Variants in BABAM2 observed in about 807,000 individuals in gnomAD.
The protein encoded by BABAM2 is BRISC and BRCA1 A complex member 2.
BABAM2 carries 31 observed loss-of-function variants against 54.7 expected under a neutral mutation model. The ratio of observed to expected loss-of-function variants is 0.57; its 90% CI spans 0.43 to 0.77. BABAM2 has a LOEUF of 0.77. Ranked by LOEUF, BABAM2 falls within the 30% of genes least tolerant of loss-of-function variation. The probability of loss-of-function intolerance (pLI) is 0.00; values close to 1 mark genes in which losing one functional copy is unlikely to be tolerated. For synonymous variants in BABAM2, 167 were observed against 162.9 expected, an observed-to-expected ratio of 1.03 and a Z score of -0.19; for missense variants, 364 against 455.8, an observed-to-expected ratio of 0.80 and a Z score of 1.83.
intron 8 of BABAM2, among the ~76,000 whole-genome samples, chr2:28,241,027 G>C (rs771048132): frequency 6.6e-6 from 1 of 152,030 alleles, no homozygotes; most frequent in Admixed American, 6.6e-5. Flanking sequence ...TACAATAATG[G>C]TATTGTGGTT....
intron 7 of BABAM2, among the ~76,000 whole-genome samples, chr2:28,220,412 G>A (rs1330272531): frequency 1.3e-5 from 2 of 152,146 alleles, no homozygotes; most frequent in Non-Finnish European, 2.9e-5. Flanking sequence ...TGCTATTGAT[G>A]TTCTTCTAAA....
intron 6 of BABAM2, among the ~76,000 whole-genome samples, chr2:28,074,870 T>C (rs1664509543): frequency 6.6e-6 from 1 of 152,182 alleles, no homozygotes; most frequent in East Asian, 1.9e-4. Flanking sequence ...TCCTTGAAAA[T>C]AATAGGCTTT....
intron 11 of BABAM2, among the ~76,000 whole-genome samples, chr2:28,311,486 C>T (rs1689086903): frequency 6.6e-6 from 1 of 152,116 alleles, no homozygotes; most frequent in Non-Finnish European, 1.5e-5. Flanking sequence ...ATAGTAGGAA[C>T]ATATGCTATT....
intron 6 of BABAM2, among the ~76,000 whole-genome samples, chr2:28,062,626 C>A (rs761048174): frequency 6.6e-5 from 10 of 151,086 alleles, no homozygotes; most frequent in Non-Finnish European, 1.5e-4. Flanking sequence ...CATAAAACTT[C>A]TTCTGCATTA....
intron 10 of BABAM2, among the ~76,000 whole-genome samples, chr2:28,264,774 T>C (rs1684837109): frequency 6.6e-6 from 1 of 152,182 alleles, no homozygotes. Flanking sequence ...GCAGACTCAG[T>C]GGACTCCACA....
intron 2 of BABAM2, among the ~76,000 whole-genome samples, chr2:27,929,620 T>C (rs1007977628): frequency 2.6e-5 from 4 of 152,204 alleles, no homozygotes; most frequent in Non-Finnish European, 5.9e-5. Flanking sequence ...CACATGTAAG[T>C]TTTATTGTGA....
chr2:27,905,343 T>C (rs1039580381), intron 2 of BABAM2, among the ~76,000 whole-genome samples: 1 of 152,158 alleles, frequency 6.6e-6, no homozygotes, highest in Non-Finnish European at 1.5e-5. Flanking sequence ...ATGTGGGTTT[T>C]TCAGTCAGTG....
At chr2:28,011,544 T>C (rs1171760666) in intron 4 of BABAM2, among the ~76,000 whole-genome samples, 1 of 152,096 alleles carries the variant, frequency 6.6e-6, no homozygotes, top group African/African-American at 2.4e-5. Flanking sequence ...CTGGCAAATA[T>C]TGCAGGTCTA....
chr2:28,097,484 G>C (rs1666729620), intron 6 of BABAM2, among the ~76,000 whole-genome samples: 1 of 151,982 alleles, frequency 6.6e-6, no homozygotes, highest in Non-Finnish European at 1.5e-5. Context: ...ATTTTTTCCA[G>C]GTTCATCTCT....
intron 7 of BABAM2, among the ~76,000 whole-genome samples, chr2:28,184,485 C>G (rs539333326): frequency 4.6e-5 from 6 of 131,834 alleles, no homozygotes; most frequent in Admixed American, 1.6e-4. Context: ...CCTCTCCCCC[C>G]ACCCCATGAC....
Position 28,111,134 on chromosome 2 carries a change from A to ATTTT in BABAM2, c.571-18125_571-18122dup, listed in dbSNP as rs1334594801. 1.9e-3 allele frequency among the ~76,000 whole-genome samples: 196 copies of ATTTT among 101,884 alleles called. 1 individual carries two copies. Among genetic ancestry groups the ATTTT allele is most frequent in the African/African-American group, 7.0e-3 (146 of 20,880 alleles). The allele number at this position is 101,884 out of a possible 152,430, so 66.8% of individuals were successfully genotyped here. On this transcript the variant is annotated intron_variant, in intron 6 of 11. Coordinates refer to ENST00000379624, the MANE Select transcript of BABAM2 (RefSeq NM_199191.3). Reference sequence around the variant, plus strand: ...CAGGCCTGCACCACCACGCCTGGCTATTTTTTTTTTTTTTTGTATTTTTTT... The same window carrying ATTTT: ...CAGGCCTGCACCACCACGCCTGGCTATTTTTTTTTTTTTTTTTTTGTATTTTTTT...
In BABAM2 at chr2:28,121,499, A is replaced by G. The variant is rs540741982; in HGVS notation, c.571-7772A>G. Among the ~76,000 whole-genome samples the G allele has an allele frequency of 7.9e-5, 12 of 152,316 alleles. No individual in the cohort carries two copies. The South Asian group carries it at 2.5e-3, about 32-fold the overall frequency. ...TAACACATTGTGATGTCTTTATGCC[A>G]GTAGAACCCAAATTCAAATTTTGAT... On this transcript the variant is annotated intron_variant, in intron 6 of 11. Transcript: ENST00000379624.
chr2:27,909,731 G>A (rs529055419), intron 2 of BABAM2, among the ~76,000 whole-genome samples: 4 of 152,276 alleles, frequency 2.6e-5, no homozygotes, highest in African/African-American at 7.2e-5. Context: ...TGTGGCAAAG[G>A]ACACCCATTT....
chr2:28,333,470 C>G (rs558767749), intron 11 of BABAM2, among the ~76,000 whole-genome samples: 8 of 152,216 alleles, frequency 5.3e-5, no homozygotes, highest in Admixed American at 4.6e-4. Flanking sequence ...ACTCCTGATT[C>G]AGTTCCCTCC....
At chr2:28,128,013 C>G (rs1362002092) in intron 6 of BABAM2, among the ~76,000 whole-genome samples, 1 of 151,870 alleles carries the variant, frequency 6.6e-6, no homozygotes, top group Non-Finnish European at 1.5e-5. Flanking sequence ...CGGGTTTCAC[C>G]GTGTTAGCCA....
chr2:28,162,341 A>C (rs186480281), intron 7 of BABAM2, among the ~76,000 whole-genome samples: 1 of 152,098 alleles, frequency 6.6e-6, no homozygotes, highest in African/African-American at 2.4e-5. Flanking sequence ...TAAAGTAGAG[A>C]CTCCAAAGTC....
chr2:28,270,220 C>G (rs548388941), intron 10 of BABAM2, among the ~76,000 whole-genome samples: 1 of 152,176 alleles, frequency 6.6e-6, no homozygotes, highest in East Asian at 1.9e-4. Context: ...CTCCTAGACT[C>G]AAGCCATCCT....
At chr2:27,922,910 C>T (rs1667438316) in intron 2 of BABAM2, among the ~76,000 whole-genome samples, 1 of 152,144 alleles carries the variant, frequency 6.6e-6, no homozygotes, top group Non-Finnish European at 1.5e-5. Context: ...GACAAGTTGC[C>T]ATTCTATAAA....
At chr2:28,052,844 A>T (rs1017590677) in intron 6 of BABAM2, among the ~76,000 whole-genome samples, 1 of 152,142 alleles carries the variant, frequency 6.6e-6, no homozygotes, top group Admixed American at 6.5e-5. Flanking sequence ...AGAGTTTTGA[A>T]ATTTCTCATT....
Sources: allele counts gnomAD v4.1 joint callset (sites outside exome capture counted in the v4.1 genomes callset), GRCh38; gene constraint gnomAD v4.1.1; transcripts MANE v1.5; gene names NCBI Gene and HGNC (gene_info 2026-07-23, HGNC 2026-07-21).